The following NNT variants were observed in gnomAD, a reference collection of about 807,000 sequenced individuals.
NNT encodes NAD(P) transhydrogenase, mitochondrial.
Under a neutral mutation model 104.8 loss-of-function variants are expected in NNT, and 50 were observed. The observed-to-expected ratio is 0.48, with a 90% CI of 0.38 to 0.60. NNT has a LOEUF of 0.60. NNT is among the 20% of genes least tolerant of loss of function. The pLI, the probability that NNT is intolerant of heterozygous loss-of-function variation, is 0.00. For missense variants in NNT, 1,131 were observed against 1,330.7 expected (o/e 0.85, Z 2.33); for synonymous variants, 461 against 490.4 (o/e 0.94, Z 0.79).
At position 43,612,931 on chromosome 5, in the gene NNT, G is replaced by C; in HGVS notation, c.175G>C (p.Val59Leu). The C allele has an allele frequency of 6.2e-7, 1 of 1,613,442 alleles. No homozygotes were observed. The highest frequency in any genetic ancestry group is 8.5e-7 in the Non-Finnish European group (1 of 1,179,482). ...KPGIPYKQLTVGVPKEIFQNE... is the reference protein window; with the variant it reads ...KPGIPYKQLTLGVPKEIFQNE... ...AGGAATTCCATATAAGCAACTGACT[G>C]TTGGAGTCCCCAAAGAGATATTCCA... is the stretch of plus-strand genomic sequence containing the variant. The change falls in exon 3 of 22, where the codon GTT becomes CTT. Residue 59 changes from valine to leucine, a missense_variant. By Grantham distance (32) the Val-to-Leu change is conservative. Transcript: ENST00000344920.
intron 18 of NNT, 30 bp from the exon 19 acceptor site, chr5:43,677,695 A>G (rs765393763): frequency 3.1e-5 from 50 of 1,589,678 alleles, no homozygotes; most frequent in East Asian, 8.9e-5. Flanking sequence ...TAAAAAACAC[A>G]TTCTTCTGTG....
chr5:43,628,141 C>G, intron 6 of NNT, 59 bp from the exon 7 acceptor site: 1 of 1,311,372 alleles, frequency 7.6e-7, no homozygotes. Context: ...AAATGATGAT[C>G]TTGACTTCTT....
At chr5:43,602,735 C>T (rs957661745), upstream of NNT, 1 of 152,234 alleles carries the variant, frequency 6.6e-6, no homozygotes, top group African/African-American at 2.4e-5. Flanking sequence ...TTTTTCCTAG[C>T]GAGCTGGAGG....
At chr5:43,683,172 C>T (rs1741812542) in intron 19 of NNT, among the ~76,000 whole-genome samples, 1 of 152,178 alleles carries the variant, frequency 6.6e-6, no homozygotes, top group South Asian at 2.1e-4. Flanking sequence ...ATGGGTTATT[C>T]GTGTAACTGG....
In NNT at chr5:43,704,490, T is replaced by C; in HGVS notation, c.*86T>C. The C allele has an allele frequency of 7.3e-7, 1 of 1,361,680 alleles. No homozygotes were observed. The highest frequency in any genetic ancestry group is 1.0e-6 in the Non-Finnish European group (1 of 984,598). The allele number at this position is 1,361,680 out of a possible 1,614,324, so 84.3% of individuals were successfully genotyped here. A position where few individuals can be genotyped will look rare whatever the true frequency, so the allele number is the denominator to read the frequency against. ...TAAAGTATCAGTATACATGGTGATG[T>C]ACATCTGTAGCAAAGCTCTTGGAGA... On this transcript the variant is annotated 3_prime_UTR_variant, in exon 22 of 22. Transcript: ENST00000344920.
At chr5:43,669,256 A>G (rs1360076474) in intron 17 of NNT, among the ~76,000 whole-genome samples, 1 of 151,936 alleles carries the variant, frequency 6.6e-6, no homozygotes, top group Admixed American at 6.6e-5. Flanking sequence ...TCTTTTCCTA[A>G]TTGAATACCC....
intron 18 of NNT, among the ~76,000 whole-genome samples, chr5:43,676,849 T>C (rs1255781921): frequency 6.6e-6 from 1 of 152,098 alleles, no homozygotes; most frequent in Non-Finnish European, 1.5e-5. Context: ...GAGGCGACGA[T>C]TTGTTTTTAG....
intron 7 of NNT, among the ~76,000 whole-genome samples, chr5:43,631,730 T>G (rs1181994228): frequency 6.6e-6 from 1 of 152,154 alleles, no homozygotes; most frequent in Non-Finnish European, 1.5e-5. Context: ...CCATAATATT[T>G]TATTTTTTAT....
chr5:43,656,613 A>G (rs1415622214), intron 15 of NNT, 40 bp from the exon 16 acceptor site: 2 of 1,546,410 alleles, frequency 1.3e-6, no homozygotes, highest in Non-Finnish European at 1.8e-6. Flanking sequence ...ATTTTCTTAC[A>G]ACACATTCTG....
intron 14 of NNT, 91 bp downstream of exon 14, chr5:43,653,304 T>G (rs41271085): frequency 1.3e-4 from 158 of 1,209,016 alleles, no homozygotes; most frequent in South Asian, 5.5e-4. Context: ...TTAAATTTTG[T>G]TCATGGAAGT....
intron 17 of NNT, among the ~76,000 whole-genome samples, chr5:43,661,335 AG>A (rs1740344813): frequency 6.6e-6 from 1 of 152,158 alleles, no homozygotes; most frequent in Non-Finnish European, 1.5e-5. Flanking sequence ...AATGACCAGC[AG>A]GGGGCAGCAG....
chr5:43,613,320 A>T, intron 3 of NNT, 183 bp downstream of exon 3: 1 of 570,684 alleles, frequency 1.8e-6, no homozygotes, highest in Non-Finnish European at 3.1e-6. Flanking sequence ...TTATCAGACA[A>T]TATGATCTAT....
rs958681102 is a variant in NNT at position 43,659,228 on chromosome 5, C to T, written c.2512C>T (p.Leu838=). 2 of 1,613,916 alleles carry T rather than the reference C, an allele frequency of 1.2e-6. No individual in the cohort carries two copies. Among genetic ancestry groups the T allele is most frequent in the African/African-American group, 2.7e-5 (2 of 74,890 alleles). The part of the protein sequence containing the change: ...GADMPVVITV[L]NSYSGWALCA... ...TGACATGCCCGTCGTTATCACTGTG[C>T]TGAACAGCTACTCAGGCTGGGCCCT... Residue 838 remains leucine, a synonymous_variant, in exon 17 of 22, where the codon CTG becomes TTG. Transcript: ENST00000344920.
chr5:43,605,768 T>A (rs990251620), intron 1 of NNT, among the ~76,000 whole-genome samples: 7 of 152,182 alleles, frequency 4.6e-5, no homozygotes, highest in Non-Finnish European at 7.4e-5. Context: ...TGGTTTAGAC[T>A]TAGTGATATG....
chr5:43,675,756 T>A, intron 18 of NNT, 86 bp downstream of exon 18: 3 of 1,016,720 alleles, frequency 3.0e-6, no homozygotes, highest in East Asian at 3.0e-5. Context: ...AAAGTAGAAT[T>A]GAAACTTCTT....
rs894431719 is a variant in NNT, at chr5:43,704,474, A to G, written c.*70A>G. 6 of 1,509,298 alleles carry G rather than the reference A, an allele frequency of 4.0e-6. No individual in the cohort carries two copies. The highest frequency in any genetic ancestry group is 1.4e-5 in the African/African-American group (1 of 72,712). 93.5% of individuals were successfully genotyped at this position (1,509,298 alleles called of 1,614,324 possible). On this transcript the variant is annotated 3_prime_UTR_variant, in exon 22 of 22. Transcript: ENST00000344920. Reference sequence around the variant, plus strand: ...TTTGGGAACAGGCAAATAAAGTATCAGTATACATGGTGATGTACATCTGTA... The same window carrying G: ...TTTGGGAACAGGCAAATAAAGTATCGGTATACATGGTGATGTACATCTGTA...
chr5:43,672,501 A>G (rs528455060), intron 17 of NNT, among the ~76,000 whole-genome samples: 1 of 152,182 alleles, frequency 6.6e-6, no homozygotes, highest in Non-Finnish European at 1.5e-5. Context: ...TTTCCTTCTA[A>G]CAGTCAGGAC....
At chr5:43,677,262 C>T (rs1280807631) in intron 18 of NNT, among the ~76,000 whole-genome samples, 1 of 151,896 alleles carries the variant, frequency 6.6e-6, no homozygotes, top group African/African-American at 2.4e-5. Context: ...AAGTTAAAGC[C>T]CTTTGGAAAC....
intron 7 of NNT, among the ~76,000 whole-genome samples, chr5:43,630,162 G>A (rs974235204): frequency 3.9e-5 from 6 of 152,108 alleles, no homozygotes; most frequent in Non-Finnish European, 8.8e-5. Context: ...AAGGTGAGGG[G>A]TGAGGATCCA....
Sources: gnomAD v4.1 joint callset for allele counts (sites outside exome capture counted in the v4.1 genomes callset) on GRCh38, gnomAD v4.1.1 for gene constraint, MANE v1.5 for transcripts, NCBI Gene and HGNC (gene_info 2026-07-23, HGNC 2026-07-21) for gene names.